PPP2R5C: variants seen among roughly 807,000 people sequenced by gnomAD.
PPP2R5C encodes protein phosphatase 2 regulatory subunit B'gamma.
A neutral mutation model predicts 68.9 loss-of-function variants in PPP2R5C; 7 were observed. The observed-to-expected ratio is 0.10, with a 90% CI of 0.06 to 0.19. The LOEUF (loss-of-function observed/expected upper bound fraction) is 0.19, where lower values mean the gene tolerates loss of function less well. Ranked by LOEUF, PPP2R5C falls within the 10% of genes least tolerant of loss-of-function variation. The probability of loss-of-function intolerance (pLI) is 1.00; values close to 1 mark genes in which losing one functional copy is unlikely to be tolerated. For missense variants in PPP2R5C, 348 were observed against 641.3 expected (o/e 0.54, Z 4.94); for synonymous variants, 210 against 222.2 (o/e 0.95, Z 0.49).
chr14:101,907,322 C>T (rs915700554), intron 10 of PPP2R5C, among the ~76,000 whole-genome samples: 16 of 151,950 alleles, frequency 1.1e-4, no homozygotes, highest in Admixed American at 3.3e-4. Context: ...AGGCACCCAC[C>T]GCTACGCCTG....
At chr14:101,918,292 C>CT (rs2046795665) in intron 13 of PPP2R5C, among the ~76,000 whole-genome samples, 1 of 151,596 alleles carries the variant, frequency 6.6e-6, no homozygotes, top group South Asian at 2.1e-4. Flanking sequence ...CTGGCTTCTG[C>CT]TTCGACCCAG....
At chr14:101,873,518 C>CT (rs1281860541) in intron 2 of PPP2R5C, among the ~76,000 whole-genome samples, 1 of 152,150 alleles carries the variant, frequency 6.6e-6, no homozygotes, top group Non-Finnish European at 1.5e-5. Context: ...AGCCAGTGCC[C>CT]TATGGATTAT....
At chr14:101,763,081 G>GTTTT in intron 2 of PPP2R5C, 111 bp downstream of exon 2, 1 of 780,966 alleles carries the variant, frequency 1.3e-6, no homozygotes, top group Non-Finnish European at 1.9e-6. Context: ...CCTATGTGAG[G>GTTTT]TTTTTTTTTT....
chr14:101,870,124 A>G (rs564335429), intron 2 of PPP2R5C, among the ~76,000 whole-genome samples: 2 of 135,402 alleles, frequency 1.5e-5, no homozygotes, highest in African/African-American at 2.9e-5. Context: ...TGCGAGATAC[A>G]TGATTTGCAA....
chr14:101,814,869 T>TACTTCTTCCTCACAGCACTCCTGC lies in PPP2R5C; in HGVS notation c.94+4834_94+4857dup, dbSNP rs1344868395. Among the ~76,000 whole-genome samples the TACTTCTTCCTCACAGCACTCCTGC allele has an allele frequency of 2.0e-5, 3 of 152,226 alleles. No homozygotes were observed. In the East Asian group the frequency reaches 5.8e-4, roughly 29 times the overall value. On this transcript the variant is annotated intron_variant, in intron 1 of 13. Coordinates refer to ENST00000334743, the Ensembl canonical transcript of PPP2R5C. ...TGACAAGCTGTTGTGAACACTCATG[T>TACTTCTTCCTCACAGCACTCCTGC]ACTTCTTCCTCACAGCACTCCTGCC...
intron 1 of PPP2R5C, among the ~76,000 whole-genome samples, chr14:101,810,931 T>G (rs2039323186): frequency 6.6e-6 from 1 of 152,186 alleles, no homozygotes; most frequent in African/African-American, 2.4e-5. Flanking sequence ...GAAAAATGAT[T>G]TTAAGCTTCA....
chr14:101,925,416 A>G (rs2047247495), exon 14 of PPP2R5C: 1 of 1,357,658 alleles, frequency 7.4e-7, no homozygotes, highest in Non-Finnish European at 9.7e-7. Flanking sequence ...CGTCCGCCTC[A>G]GCGCGAGATT....
Position 101,891,754 on chromosome 14 carries a change from G to A in PPP2R5C, c.690-1246G>A, listed in dbSNP as rs910272137. On this transcript the variant is annotated intron_variant, in intron 6 of 13. Transcript: ENST00000334743. The surrounding 1 kb of genome is among the most constrained non-coding windows in gnomAD (Gnocchi z 4.9). ...CAGGCTCGCCCTTCCCGCATTGTCC[G>A]CTGTGCCGCGCAGAGTCAGTAATGG... Among the ~76,000 whole-genome samples the A allele has an allele frequency of 7.2e-5, 11 of 152,198 alleles. No homozygotes were observed. Among genetic ancestry groups the A allele is most frequent in the African/African-American group, 1.4e-4 (6 of 41,442 alleles).
intron 3 of PPP2R5C, among the ~76,000 whole-genome samples, chr14:101,793,929 C>G (rs542602343): frequency 1.2e-4 from 19 of 152,316 alleles, no homozygotes; most frequent in African/African-American, 4.6e-4. Flanking sequence ...TCAAGTTGTC[C>G]CTCTGAAGTC....
chr14:101,918,234 G>A (rs1243320769), intron 13 of PPP2R5C, among the ~76,000 whole-genome samples: 2 of 127,276 alleles, frequency 1.6e-5, no homozygotes, highest in Non-Finnish European at 3.3e-5. Context: ...CAGCAAAATC[G>A]AAAGCTTCAC....
chr14:101,845,769 G>A (rs1232104852), intron 1 of PPP2R5C, among the ~76,000 whole-genome samples: 1 of 152,154 alleles, frequency 6.6e-6, no homozygotes, highest in Non-Finnish European at 1.5e-5. Flanking sequence ...TGGTCCTGGG[G>A]TTAGCAGATC....
intron 1 of PPP2R5C, among the ~76,000 whole-genome samples, chr14:101,837,581 G>A (rs772300498): frequency 4.6e-5 from 7 of 152,134 alleles, no homozygotes; most frequent in South Asian, 4.1e-4. Context: ...ACACACAGGC[G>A]GAAACCAGGC....
intron 13 of PPP2R5C, 64 bp from the exon 16 acceptor site, chr14:101,925,077 A>G: frequency 6.3e-7 from 1 of 1,577,254 alleles, no homozygotes; most frequent in South Asian, 1.1e-5. Flanking sequence ...CTTCCACCTC[A>G]GAAGTAAGCT....
chr14:101,766,086 C>T (rs2036845997), intron 2 of PPP2R5C: 1 of 152,276 alleles, frequency 6.6e-6, no homozygotes, highest in African/African-American at 2.4e-5. Flanking sequence ...AGAACTTGGC[C>T]TCTGGTTGAC....
At chr14:101,812,650 A>T (rs1179193550) in intron 1 of PPP2R5C, among the ~76,000 whole-genome samples, 1 of 152,202 alleles carries the variant, frequency 6.6e-6, no homozygotes, top group South Asian at 2.1e-4. Flanking sequence ...CTTACCATTT[A>T]TTTGGCTCGG....
At chr14:101,900,449 A>T (rs1242098781) in intron 8 of PPP2R5C, among the ~76,000 whole-genome samples, 1 of 152,236 alleles carries the variant, frequency 6.6e-6, no homozygotes, top group African/African-American at 2.4e-5. Context: ...ATTGCACAGC[A>T]CAAGAGTCGG....
intron 1 of PPP2R5C, among the ~76,000 whole-genome samples, chr14:101,821,915 A>T (rs1373631917): frequency 2.0e-5 from 3 of 152,114 alleles, no homozygotes; most frequent in African/African-American, 7.2e-5. Context: ...CTTATGCTTC[A>T]CCAAGCTGCT....
At chr14:101,802,625 T>C (rs2038914501) in intron 3 of PPP2R5C, among the ~76,000 whole-genome samples, 1 of 151,940 alleles carries the variant, frequency 6.6e-6, no homozygotes, top group Non-Finnish European at 1.5e-5. Flanking sequence ...AATAGATAGA[T>C]TGGACTACAT....
intron 1 of PPP2R5C, among the ~76,000 whole-genome samples, chr14:101,839,740 T>C (rs1359394398): frequency 6.6e-6 from 1 of 152,270 alleles, no homozygotes; most frequent in South Asian, 2.1e-4. Context: ...ACTTGATTTA[T>C]TGAATCGTAG....
Sources: gnomAD v4.1 joint callset for allele counts (sites outside exome capture counted in the v4.1 genomes callset) on GRCh38, gnomAD v4.1.1 for gene constraint, Gnocchi (gnomAD v3.1) non-coding constraint, MANE v1.5 for transcripts, NCBI Gene and HGNC (gene_info 2026-07-23, HGNC 2026-07-21) for gene names.